RBFOX1: variants seen among roughly 807,000 people sequenced by gnomAD.
RBFOX1 encodes the protein RNA binding protein fox-1 homolog 1.
RBFOX1 carries 8 observed loss-of-function variants against 57.7 expected under a neutral mutation model. The observed-to-expected ratio is 0.14, with a 90% CI of 0.08 to 0.25. The LOEUF (loss-of-function observed/expected upper bound fraction) is 0.25, where lower values mean the gene tolerates loss of function less well. Among genes scored for constraint, RBFOX1 ranks in the 10% least tolerant of loss-of-function variants. RBFOX1 has a pLI of 1.00. For missense variants in RBFOX1, 611 were observed against 548.5 expected (o/e 1.11, Z -1.14); for synonymous variants, 326 against 222.4 (o/e 1.47, Z -4.15).
At chr16:6,136,346 G>C (rs924116809) in intron 1 of RBFOX1, among the ~76,000 whole-genome samples, 1 of 151,950 alleles carries the variant, frequency 6.6e-6, no homozygotes, top group Non-Finnish European at 1.5e-5. Context: ...CCCTGTAATC[G>C]CAGTTGAGCC....
At chr16:7,692,215 C>G (rs944979213) in intron 14 of RBFOX1, among the ~76,000 whole-genome samples, 3 of 152,004 alleles carry the variant, frequency 2.0e-5, no homozygotes, top group East Asian at 3.9e-4. Flanking sequence ...GAGAAAAGTA[C>G]TAAAAATATT....
At chr16:7,025,796 C>A (rs973207006) in intron 3 of RBFOX1, among the ~76,000 whole-genome samples, 1 of 152,110 alleles carries the variant, frequency 6.6e-6, no homozygotes, top group Non-Finnish European at 1.5e-5. Context: ...GCAGATGGCG[C>A]TGCAGGGATT....
At chr16:7,135,228 C>G (rs1430802386) in intron 4 of RBFOX1, among the ~76,000 whole-genome samples, 1 of 152,090 alleles carries the variant, frequency 6.6e-6, no homozygotes, top group Non-Finnish European at 1.5e-5. Context: ...TCAGCCCTGT[C>G]TAGGAATTTT....
chr16:5,715,871 CT>C (rs1190600722), intron 3 of RBFOX1, among the ~76,000 whole-genome samples: 13 of 152,172 alleles, frequency 8.5e-5, no homozygotes, highest in Non-Finnish European at 1.5e-5. Flanking sequence ...TCCCTGCTCC[CT>C]TAACAAATAT....
intron 3 of RBFOX1, among the ~76,000 whole-genome samples, chr16:5,859,633 C>T (rs987516007): frequency 2.0e-5 from 3 of 152,124 alleles, no homozygotes; most frequent in Non-Finnish European, 2.9e-5. Flanking sequence ...GGTTTTGTGA[C>T]AGGGAGGATA....
At chr16:7,366,337 C>G (rs1035770979) in intron 4 of RBFOX1, among the ~76,000 whole-genome samples, 1 of 152,196 alleles carries the variant, frequency 6.6e-6, no homozygotes, top group Non-Finnish European at 1.5e-5. Context: ...CTGAAAATCA[C>G]AAAGGCACGG....
At chr16:5,714,627 C>A (rs2051619796) in intron 3 of RBFOX1, among the ~76,000 whole-genome samples, 1 of 152,136 alleles carries the variant, frequency 6.6e-6, no homozygotes, top group South Asian at 2.1e-4. Context: ...GTAACAGATA[C>A]AAGAAAGATG....
intron 4 of RBFOX1, among the ~76,000 whole-genome samples, chr16:7,242,612 C>A (rs2094121450): frequency 6.6e-6 from 1 of 152,326 alleles, no homozygotes; most frequent in South Asian, 2.1e-4. Flanking sequence ...AACAAACTTT[C>A]CATGGTGACA....
chr16:7,389,820 T>A (rs74012534), intron 4 of RBFOX1, among the ~76,000 whole-genome samples: 12,367 of 152,200 alleles, frequency 0.081, 542 homozygotes, highest in East Asian at 0.2. Context: ...AGGCTTGATA[T>A]GCATACAATC....
intron 2 of RBFOX1, among the ~76,000 whole-genome samples, chr16:6,488,799 C>T (rs1024750536): frequency 6.6e-6 from 1 of 152,054 alleles, no homozygotes; most frequent in African/African-American, 2.4e-5. Flanking sequence ...AGGATGACTC[C>T]CTCCTGCAAA....
At chr16:6,761,959 C>T (rs191434906) in intron 3 of RBFOX1, among the ~76,000 whole-genome samples, 44 of 152,198 alleles carry the variant, frequency 2.9e-4, no homozygotes, top group African/African-American at 9.6e-4. Flanking sequence ...TTTTGTTCAA[C>T]CACAGCCCAC....
At chr16:7,411,999 G>A (rs980712987) in intron 4 of RBFOX1, among the ~76,000 whole-genome samples, 1 of 151,790 alleles carries the variant, frequency 6.6e-6, no homozygotes, top group East Asian at 1.9e-4. Context: ...GCCATGTGGT[G>A]TCTCAGATGG....
chr16:7,147,551 C>A (rs368484623), intron 4 of RBFOX1, among the ~76,000 whole-genome samples: 1 of 152,120 alleles, frequency 6.6e-6, no homozygotes, highest in Non-Finnish European at 1.5e-5. Flanking sequence ...CTCCCACTTA[C>A]AAGTGAGAAT....
chr16:6,709,335 G>A (rs1258489152), intron 3 of RBFOX1, among the ~76,000 whole-genome samples: 1 of 151,982 alleles, frequency 6.6e-6, no homozygotes, highest in African/African-American at 2.4e-5. Flanking sequence ...TTAATTAAAG[G>A]GTTTCATTTT....
intron 4 of RBFOX1, among the ~76,000 whole-genome samples, chr16:6,013,055 C>G (rs2094971143): frequency 6.6e-6 from 1 of 152,142 alleles, no homozygotes; most frequent in African/African-American, 2.4e-5. Context: ...ATTATATCAT[C>G]ATCATCATCA....
At chr16:6,008,257 C>G (rs1177627783) in intron 4 of RBFOX1, among the ~76,000 whole-genome samples, 1 of 127,958 alleles carries the variant, frequency 7.8e-6, no homozygotes, top group Non-Finnish European at 1.5e-5. Context: ...AATAAAGAGA[C>G]AAGAGGGATG....
At chr16:7,259,145 G>C (rs2094816228) in intron 4 of RBFOX1, among the ~76,000 whole-genome samples, 1 of 152,170 alleles carries the variant, frequency 6.6e-6, no homozygotes, top group South Asian at 2.1e-4. Context: ...CACCTGGAGA[G>C]AAGCTGTTGA....
chr16:5,704,700 G>C (rs1236494541), intron 3 of RBFOX1, among the ~76,000 whole-genome samples: 1 of 152,096 alleles, frequency 6.6e-6, no homozygotes, highest in Non-Finnish European at 1.5e-5. Context: ...GTTTCATTTG[G>C]CTCATTTATA....
At chr16:6,564,150 G>C (rs1014575642) in intron 2 of RBFOX1, among the ~76,000 whole-genome samples, 1 of 151,980 alleles carries the variant, frequency 6.6e-6, no homozygotes, top group African/African-American at 2.4e-5. Context: ...TGTTTTCCAC[G>C]AAAGTCTGTA....
Sources: gnomAD v4.1 joint callset for allele counts (sites outside exome capture counted in the v4.1 genomes callset) on GRCh38, gnomAD v4.1.1 for gene constraint, MANE v1.5 for transcripts, NCBI Gene and HGNC (gene_info 2026-07-23, HGNC 2026-07-21) for gene names.